The following CHST12 variants were observed in gnomAD, a reference collection of about 807,000 sequenced individuals.
CHST12 encodes the protein carbohydrate (chondroitin 4) sulfotransferase 12.
CHST12 carries 23 observed loss-of-function variants against 27.9 expected under a neutral mutation model. The ratio of observed to expected loss-of-function variants is 0.82; its 90% CI spans 0.59 to 1.17. The LOEUF (loss-of-function observed/expected upper bound fraction) is 1.17, where lower values mean the gene tolerates loss of function less well. Ranked by LOEUF, CHST12 falls within the 50% of genes most tolerant of loss-of-function variation. CHST12 has a pLI of 0.00. For synonymous variants in CHST12, 322 were observed against 273.0 expected, an observed-to-expected ratio of 1.18 and a Z score of -1.77; for missense variants, 682 against 603.0, an observed-to-expected ratio of 1.13 and a Z score of -1.37.
intron 1 of CHST12, among the ~76,000 whole-genome samples, chr7:2,419,987 T>TTC (rs1479039811): frequency 1.4e-5 from 2 of 144,872 alleles, no homozygotes; most frequent in Non-Finnish European, 3.0e-5. Context: ...TTTTTTTTTT[T>TTC]TTTTGAGATG....
chr7:2,408,673 G>T (rs906664423), intron 1 of CHST12, among the ~76,000 whole-genome samples: 9 of 152,184 alleles, frequency 5.9e-5, no homozygotes, highest in Non-Finnish European at 2.9e-5. Context: ...GGAGGGTAGG[G>T]TAAAGACAAC....
chr7:2,409,779 C>T (rs368639076), intron 1 of CHST12, among the ~76,000 whole-genome samples: 2 of 152,190 alleles, frequency 1.3e-5, no homozygotes, highest in South Asian at 4.1e-4. Context: ...CAAATGGGAA[C>T]AGTCTCAGAT....
intron 1 of CHST12, among the ~76,000 whole-genome samples, chr7:2,408,517 C>A (rs565002187): frequency 1.3e-5 from 2 of 152,064 alleles, no homozygotes; most frequent in South Asian, 4.1e-4. Flanking sequence ...TGGAAAAAGG[C>A]AGAAGAACTA....
chr7:2,410,676 G>A (rs531386092), intron 1 of CHST12, among the ~76,000 whole-genome samples: 20 of 152,124 alleles, frequency 1.3e-4, no homozygotes, highest in Non-Finnish European at 2.6e-4. Flanking sequence ...GCGTGGGACT[G>A]CCCTGGGATT....
intron 1 of CHST12, among the ~76,000 whole-genome samples, chr7:2,424,499 G>A (rs1227693203): frequency 1.3e-5 from 2 of 152,198 alleles, no homozygotes; most frequent in Admixed American, 1.3e-4. Context: ...GTGAGAGGCA[G>A]ATAGACTCCG....
chr7:2,424,627 A>G (rs1234557023), intron 1 of CHST12, among the ~76,000 whole-genome samples: 4 of 152,132 alleles, frequency 2.6e-5, no homozygotes, highest in Non-Finnish European at 4.4e-5. Flanking sequence ...AGATCTTACT[A>G]CAGTTTTTGG....
upstream of CHST12, chr7:2,403,550 G>C (rs1366768018): frequency 1.3e-5 from 2 of 151,448 alleles, no homozygotes; most frequent in Non-Finnish European, 3.0e-5. Flanking sequence ...GAAGACGACC[G>C]GTAGGAGGGG....
intron 1 of CHST12, among the ~76,000 whole-genome samples, chr7:2,426,284 T>C (rs778892573): frequency 1.3e-5 from 2 of 152,140 alleles, no homozygotes; most frequent in Non-Finnish European, 2.9e-5. Flanking sequence ...GCCAGGCTGA[T>C]GTGATGGGGG....
intron 1 of CHST12, among the ~76,000 whole-genome samples, chr7:2,431,683 G>C (rs1315712519): frequency 2.0e-5 from 3 of 152,238 alleles, no homozygotes; most frequent in Non-Finnish European, 4.4e-5. Context: ...AACACCCCCT[G>C]GTGCCTGGCA....
intron 1 of CHST12, among the ~76,000 whole-genome samples, chr7:2,413,605 G>C (rs1285478357): frequency 6.6e-6 from 1 of 151,662 alleles, no homozygotes; most frequent in Non-Finnish European, 1.5e-5. Context: ...AGAACATGCA[G>C]TCTTTTACGT....
At chr7:2,421,438 C>CTT (rs566799688) in intron 1 of CHST12, among the ~76,000 whole-genome samples, 9 of 127,196 alleles carry the variant, frequency 7.1e-5, no homozygotes, top group South Asian at 2.7e-4. Context: ...TTTTTTTTTA[C>CTT]TTTTTTTTTT....
intron 1 of CHST12, among the ~76,000 whole-genome samples, chr7:2,415,606 CTTTTCTT>C (rs1370378028): frequency 1.3e-5 from 2 of 149,836 alleles, no homozygotes; most frequent in Non-Finnish European, 3.0e-5. Flanking sequence ...ATGGCAATTT[CTTTTCTT>C]TTTTCTTTTT....
At chr7:2,405,769 G>A (rs948232503) in intron 1 of CHST12, among the ~76,000 whole-genome samples, 3 of 152,160 alleles carry the variant, frequency 2.0e-5, no homozygotes, top group African/African-American at 2.4e-5. Flanking sequence ...GATGAGGAGC[G>A]CTGCGGCCAG....
At chr7:2,412,338 G>A (rs898833299) in intron 1 of CHST12, among the ~76,000 whole-genome samples, 3 of 152,192 alleles carry the variant, frequency 2.0e-5, no homozygotes, top group African/African-American at 7.2e-5. Context: ...AGGACATGCA[G>A]AGAGCAAATA....
At chr7:2,428,673 T>G (rs1214593501) in intron 1 of CHST12, among the ~76,000 whole-genome samples, 1 of 152,198 alleles carries the variant, frequency 6.6e-6, no homozygotes, top group Non-Finnish European at 1.5e-5. Context: ...AACATCTGTA[T>G]GCAGAAGTAC....
At chr7:2,421,830 T>G (rs1317917646) in intron 1 of CHST12, among the ~76,000 whole-genome samples, 1 of 152,010 alleles carries the variant, frequency 6.6e-6, no homozygotes, top group African/African-American at 2.4e-5. Flanking sequence ...CCTCCCAAAG[T>G]GCTGGGATTA....
At chr7:2,410,362 T>C (rs1186416501) in intron 1 of CHST12, among the ~76,000 whole-genome samples, 1 of 152,080 alleles carries the variant, frequency 6.6e-6, no homozygotes, top group Non-Finnish European at 1.5e-5. Flanking sequence ...TATGAGCTAT[T>C]TGAGGCCAGG....
At chr7:2,404,761 G>C (rs1781478827) in intron 1 of CHST12, among the ~76,000 whole-genome samples, 1 of 152,274 alleles carries the variant, frequency 6.6e-6, no homozygotes, top group African/African-American at 2.4e-5. Flanking sequence ...ATAGATGTTT[G>C]ATTTCCCTGC....
chr7:2,433,659 G>T lies in CHST12; in HGVS notation c.1020G>T (p.Gly340=), dbSNP rs748564490. The part of the protein sequence containing the change: ...HPCQIDYDFV[G]KLETLDEDAA... ...GCCAGATCGACTACGACTTCGTGGGGAAGCTGGAGACTCTGGACGAGGACG... is the reference window on the plus strand; with the variant it reads ...GCCAGATCGACTACGACTTCGTGGGTAAGCTGGAGACTCTGGACGAGGACG... The change falls in exon 2 of 2, where the codon GGG becomes GGT. Residue 340 remains glycine (G), a synonymous_variant. Transcript: ENST00000618655. The surrounding 1 kb of genome is among the most constrained non-coding windows in gnomAD (Gnocchi z 6.1). 6.2e-7 allele frequency: 1 copy of T among 1,613,702 alleles called. No individual in the cohort carries two copies. Among genetic ancestry groups the T allele is most frequent in the South Asian group, 1.1e-5 (1 of 91,082 alleles).
Sources: gnomAD v4.1 joint callset for allele counts (sites outside exome capture counted in the v4.1 genomes callset) on GRCh38, gnomAD v4.1.1 for gene constraint, Gnocchi (gnomAD v3.1) non-coding constraint, MANE v1.5 for transcripts, NCBI Gene and HGNC (gene_info 2026-07-23, HGNC 2026-07-21) for gene names.